The following PKD2 variants were observed in gnomAD, a reference collection of about 807,000 sequenced individuals.
PKD2 encodes polycystin 2, transient receptor potential cation channel.
In PKD2, 48 loss-of-function variants were observed where a neutral mutation model predicts 105.9. The observed-to-expected ratio is 0.45, with a 90% confidence interval of 0.36 to 0.58. PKD2 has a LOEUF of 0.58. Among genes scored for constraint, PKD2 ranks in the 20% least tolerant of loss-of-function variants. PKD2 has a pLI of 0.00. For synonymous variants in PKD2, 464 were observed against 481.1 expected, an observed-to-expected ratio of 0.96 and a Z score of 0.46; for missense variants, 1,078 against 1,255.3, an observed-to-expected ratio of 0.86 and a Z score of 2.13.
chr4:88,052,138 G>T lies in PKD2; in HGVS notation c.1696G>T (p.Val566Leu), dbSNP rs1393860679. ...GTTCAACAATATAGCTGCTGTCACA[G>T]TATTTTTTGTCTGGATTAAGGTAAT... ...IQFNNIAAVTVFFVWIKLFKF... is the reference protein window; with the variant it reads ...IQFNNIAAVTLFFVWIKLFKF... The change falls in exon 7 of 15, where the codon GTA becomes TTA. Residue 566 changes from valine to leucine, a missense_variant. Transcript: ENST00000237596. 6.3e-7 allele frequency: 1 copy of T among 1,598,712 alleles called. No individual in the cohort carries two copies. The highest frequency in any genetic ancestry group is 2.2e-5 in the East Asian group (1 of 44,738).
intron 6 of PKD2, among the ~76,000 whole-genome samples, chr4:88,048,516 T>C (rs567138534): frequency 1.3e-5 from 2 of 152,192 alleles, no homozygotes; most frequent in Non-Finnish European, 2.9e-5. Flanking sequence ...GCTAACACTT[T>C]AGAAGCTTCT....
intron 2 of PKD2, among the ~76,000 whole-genome samples, chr4:88,030,351 G>T (rs1441977248): frequency 6.6e-6 from 1 of 152,060 alleles, no homozygotes; most frequent in Non-Finnish European, 1.5e-5. Context: ...TGCCCAGGCT[G>T]TTCTTGAACT....
At chr4:88,026,292 G>A (rs559982142) in intron 2 of PKD2, among the ~76,000 whole-genome samples, 6 of 152,196 alleles carry the variant, frequency 3.9e-5, no homozygotes, top group Non-Finnish European at 8.8e-5. Flanking sequence ...GGGAACTGGA[G>A]TAAACGTCAC....
intron 2 of PKD2, among the ~76,000 whole-genome samples, chr4:88,028,085 A>G (rs1039451745): frequency 1.3e-5 from 2 of 152,262 alleles, no homozygotes; most frequent in Non-Finnish European, 2.9e-5. Context: ...CAACAAAATC[A>G]TAGTACAATA....
intron 7 of PKD2, among the ~76,000 whole-genome samples, chr4:88,052,475 G>A (rs1193758801): frequency 6.6e-6 from 1 of 152,060 alleles, no homozygotes; most frequent in Non-Finnish European, 1.5e-5. Flanking sequence ...TCATTATGTT[G>A]CCCAGGCTGG....
At chr4:88,045,308 T>C (rs1475708029) in intron 5 of PKD2, among the ~76,000 whole-genome samples, 1 of 152,214 alleles carries the variant, frequency 6.6e-6, no homozygotes, top group Non-Finnish European at 1.5e-5. Context: ...AGAGTTGCTC[T>C]CCTGAGTTTT....
intron 2 of PKD2, among the ~76,000 whole-genome samples, chr4:88,024,060 C>T (rs1349919750): frequency 6.6e-6 from 1 of 152,090 alleles, no homozygotes; most frequent in Non-Finnish European, 1.5e-5. Flanking sequence ...CATTAAAGCA[C>T]TTATTAATAT....
intron 2 of PKD2, among the ~76,000 whole-genome samples, chr4:88,024,744 T>G (rs1440459332): frequency 1.3e-5 from 2 of 152,168 alleles, no homozygotes; most frequent in African/African-American, 4.8e-5. Flanking sequence ...TTACAAAGAA[T>G]GATTATAAGA....
chr4:88,038,188 C>T, intron 3 of PKD2, 63 bp from the exon 4 acceptor site: 1 of 1,565,582 alleles, frequency 6.4e-7, no homozygotes, highest in South Asian at 1.1e-5. Context: ...GCAAACGATG[C>T]AGGCAGGGGC....
chr4:88,062,802 T>A (rs1257614633), intron 10 of PKD2, among the ~76,000 whole-genome samples: 1 of 152,192 alleles, frequency 6.6e-6, no homozygotes, highest in Non-Finnish European at 1.5e-5. Context: ...AACTTAAGCC[T>A]CTTAAAACAA....
chr4:88,067,011 G>T (rs1488490464), intron 12 of PKD2, among the ~76,000 whole-genome samples: 1 of 152,142 alleles, frequency 6.6e-6, no homozygotes. Context: ...TTTAGACAAA[G>T]TTCTTATTCT....
chr4:88,055,072 T>C (rs1720274019), intron 7 of PKD2, among the ~76,000 whole-genome samples: 1 of 152,206 alleles, frequency 6.6e-6, no homozygotes, highest in African/African-American at 2.4e-5. Context: ...AATATGGCTT[T>C]GCAGGGTTCA....
chr4:88,053,420 G>A (rs939659730), intron 7 of PKD2, among the ~76,000 whole-genome samples: 7 of 152,142 alleles, frequency 4.6e-5, no homozygotes, highest in African/African-American at 1.7e-4. Flanking sequence ...CAGCATTTTG[G>A]GAGGCCGAGA....
intron 11 of PKD2, 56 bp downstream of exon 11, chr4:88,065,551 C>A: frequency 2.4e-5 from 38 of 1,573,196 alleles, no homozygotes; most frequent in Non-Finnish European, 3.3e-5. Context: ...AGATAAATTC[C>A]TGGTGATAAG....
chr4:88,052,355 A>G (rs1437555742), intron 7 of PKD2, among the ~76,000 whole-genome samples, 197 bp downstream of exon 7: 1 of 152,110 alleles, frequency 6.6e-6, no homozygotes, highest in Non-Finnish European at 1.5e-5. Flanking sequence ...TGCAGCCTCG[A>G]CTTCCCAGGC....
At chr4:88,070,044 T>C (rs1176982405) in intron 13 of PKD2, among the ~76,000 whole-genome samples, 2 of 152,246 alleles carry the variant, frequency 1.3e-5, no homozygotes, top group Non-Finnish European at 2.9e-5. Context: ...GATTACTATC[T>C]GGAGTCACTT....
intron 9 of PKD2, among the ~76,000 whole-genome samples, chr4:88,059,727 GGATA>G (rs1286166824): frequency 6.7e-6 from 1 of 148,526 alleles, no homozygotes; most frequent in Non-Finnish European, 1.5e-5. Context: ...AGATATAGGT[GGATA>G]GATACATACA....
rs763916574 is a variant in PKD2, at chr4:88,067,918, C to T, written c.2379C>T (p.His793=). The T allele has an allele frequency of 6.2e-7, 1 of 1,613,950 alleles. No homozygotes were observed. The highest frequency in any genetic ancestry group is 1.1e-5 in the South Asian group (1 of 91,074). Residue 793 remains histidine (H), a synonymous_variant, in exon 13 of 15, where the codon CAC becomes CAT. Transcript: ENST00000237596. The part of the protein sequence containing the change: ...EKEREDLDLD[H]SSLPRPMSSR... ...TTCAGGAGGACCTGGATTTGGATCACAGTTCTTTACCACGTCCCATGAGCA... is the reference window on the plus strand; with the variant it reads ...TTCAGGAGGACCTGGATTTGGATCATAGTTCTTTACCACGTCCCATGAGCA...
chr4:88,056,308 T>A lies in PKD2; in HGVS notation c.1898+41T>A, dbSNP rs1179812298. ...ATTAAGAAGAAAAATTTAATCAGAG[T>A]TGTCACTGCTTCTCAAGAATAAATC... On this transcript the variant is annotated intron_variant, in intron 8 of 14. Coordinates refer to ENST00000237596, the MANE Select transcript of PKD2 (RefSeq NM_000297.4). 2.5e-6 allele frequency: 3 copies of A among 1,197,014 alleles called. No individual in the cohort carries two copies. The East Asian group carries it at 7.5e-5, about 30-fold the overall frequency. The allele number at this position is 1,197,014 out of a possible 1,614,324, so 74.1% of individuals were successfully genotyped here. A position where few individuals can be genotyped will look rare whatever the true frequency, so the allele number is the denominator to read the frequency against.
Sources: gnomAD v4.1 joint callset for allele counts (sites outside exome capture counted in the v4.1 genomes callset) on GRCh38, gnomAD v4.1.1 for gene constraint, MANE v1.5 for transcripts, NCBI Gene and HGNC (gene_info 2026-07-23, HGNC 2026-07-21) for gene names.